Variants in TMEM51 observed in about 807,000 individuals in gnomAD.
TMEM51 encodes the protein transmembrane protein 51.
Under a neutral mutation model 13.6 loss-of-function variants are expected in TMEM51, and 8 were observed. The ratio of observed to expected loss-of-function variants is 0.59; its 90% CI spans 0.35 to 1.07. The LOEUF (loss-of-function observed/expected upper bound fraction) is 1.07, where lower values mean the gene tolerates loss of function less well. Ranked by LOEUF, TMEM51 falls within the 50% of genes least tolerant of loss-of-function variation. The pLI, the probability that TMEM51 is intolerant of heterozygous loss-of-function variation, is 0.02. For synonymous variants in TMEM51, 147 were observed against 144.4 expected, an observed-to-expected ratio of 1.02 and a Z score of -0.13; for missense variants, 279 against 330.7, an observed-to-expected ratio of 0.84 and a Z score of 1.21.
chr1:15,153,389 TCACACACACGCGCGTGCG>T (rs1402526786), upstream of TMEM51, among the ~76,000 whole-genome samples: 14 of 151,946 alleles, frequency 9.2e-5, no homozygotes, highest in South Asian at 2.1e-4. Context: ...CCACCACCCG[TCACACACACGCGCGTGCG>T]CGCACACACG....
intron 1 of TMEM51, chr1:15,171,386 T>A: frequency 8.2e-7 from 1 of 1,223,158 alleles, no homozygotes; most frequent in South Asian, 1.4e-5. Context: ...GAAAGGAAGG[T>A]GGAAGAGTTG....
At position 15,170,326 on chromosome 1, in the gene TMEM51, G is replaced by A. The variant is rs185429791; in HGVS notation, c.-267+16372G>A. ...TCTGCTGCAGGGCAAGGTAAAGCTA[G>A]GTGCCTGGGATACTGCTGGGTTTTT... On this transcript the variant is annotated intron_variant, in intron 1 of 3. Transcript: ENST00000376008. 2.0e-5 allele frequency among the ~76,000 whole-genome samples: 3 copies of A among 149,942 alleles called. No homozygotes were observed. In the East Asian group the frequency reaches 6.0e-4, roughly 30 times the overall value.
Position 15,201,021 on chromosome 1 carries a change from C to T in TMEM51, c.-266-9469C>T, listed in dbSNP as rs764241718. On this transcript the variant is annotated intron_variant, in intron 1 of 3. Transcript: ENST00000376008. ...CACCTGTATATGGCACCTGCCAGCA[C>T]GCAGGCTGTTTACTTACCCAATAGT... Among the ~76,000 whole-genome samples the T allele has an allele frequency of 2.6e-5, 4 of 152,216 alleles. No individual in the cohort carries two copies. The East Asian group carries it at 5.8e-4, about 22-fold the overall frequency.
chr1:15,192,412 G>A (rs961159232), intron 1 of TMEM51: 2 of 386,334 alleles, frequency 5.2e-6, no homozygotes, highest in African/African-American at 2.2e-5. Context: ...CCAGGTCAGC[G>A]TTTGGCAGTG....
intron 1 of TMEM51, among the ~76,000 whole-genome samples, chr1:15,203,863 A>C (rs1361410510): frequency 6.6e-6 from 1 of 152,228 alleles, no homozygotes; most frequent in Non-Finnish European, 1.5e-5. Flanking sequence ...GAGAGCCCTA[A>C]GAATTGTCTT....
intron 1 of TMEM51, among the ~76,000 whole-genome samples, chr1:15,186,325 A>G (rs1187424769): frequency 6.6e-6 from 1 of 152,244 alleles, no homozygotes; most frequent in Non-Finnish European, 1.5e-5. Flanking sequence ...AATTGGATGG[A>G]CAGGAAAGAC....
At chr1:15,189,936 C>A (rs913342672) in intron 1 of TMEM51, among the ~76,000 whole-genome samples, 4 of 152,256 alleles carry the variant, frequency 2.6e-5, no homozygotes, top group Non-Finnish European at 4.4e-5. Flanking sequence ...TGACCCCTGT[C>A]TTCCAAGGCA....
At chr1:15,209,876 C>T (rs748632468) in intron 1 of TMEM51, among the ~76,000 whole-genome samples, 1 of 152,056 alleles carries the variant, frequency 6.6e-6, no homozygotes, top group African/African-American at 2.4e-5. Flanking sequence ...ACTAAAAATA[C>T]AAAAATTAGC....
chr1:15,171,114 C>CCCCA, intron 1 of TMEM51: 8 of 1,137,710 alleles, frequency 7.0e-6, no homozygotes, highest in Non-Finnish European at 9.4e-6. Context: ...CACCCCCCGC[C>CCCCA]ACATCCCCCA....
intron 1 of TMEM51, among the ~76,000 whole-genome samples, chr1:15,162,531 T>C (rs936203679): frequency 1.3e-5 from 2 of 152,054 alleles, no homozygotes; most frequent in Admixed American, 1.3e-4. Context: ...TCAAAAGAAT[T>C]GAAAACAGGT....
intron 1 of TMEM51, chr1:15,171,115 A>ACATCCCCCCCCCCCCC: frequency 7.0e-6 from 3 of 428,152 alleles, no homozygotes; most frequent in Admixed American, 4.9e-5. Context: ...ACCCCCCGCC[A>ACATCCCCCCCCCCCCC]CATCCCCCAC....
chr1:15,206,850 A>G (rs1573442584), intron 1 of TMEM51, among the ~76,000 whole-genome samples: 1 of 151,972 alleles, frequency 6.6e-6, no homozygotes, highest in African/African-American at 2.4e-5. Flanking sequence ...TCATTTGCAC[A>G]TTGCTTTTTG....
In TMEM51 at chr1:15,215,411, T is replaced by A. The variant is rs1644415115; in HGVS notation, c.324T>A (p.Pro108=). ...AHVQHPTGAG[P]HAQEEDSQEE... is the part of the protein sequence containing the mutation. ...TCCAGCACCCGACAGGCGCTGGGCC[T>A]CACGCCCAGGAGGAAGACAGGTGAG... Residue 108 remains proline (P), a synonymous_variant, in exon 3 of 4, where the codon CCT becomes CCA. Coordinates refer to ENST00000376008, the MANE Select transcript of TMEM51 (RefSeq NM_001136218.2). 1 of 1,604,950 alleles carries A rather than the reference T, an allele frequency of 6.2e-7. No homozygotes were observed. The highest frequency in any genetic ancestry group is 1.7e-5 in the Admixed American group (1 of 59,860).
chr1:15,214,954 G>T lies in TMEM51; in HGVS notation c.-134G>T, dbSNP rs41302003. On this transcript the variant is annotated 5_prime_UTR_variant, in exon 3 of 4. The change creates a new upstream start codon in the 5' untranslated region. Coordinates refer to ENST00000376008, the MANE Select transcript of TMEM51 (RefSeq NM_001136218.2). ...CGCGATTGCTCGGAACCATCCCGCA[G>T]GAGTTCAGCTGATATTTTCTAGTGT... 0.012 allele frequency: 10,397 copies of T among 872,656 alleles called. 85 individuals carry two copies. The highest frequency in any genetic ancestry group is 0.014 in the Non-Finnish European group (8,144 of 582,986). 54.1% of individuals were successfully genotyped at this position (872,656 alleles called of 1,614,324 possible).
chr1:15,164,138 G>T (rs889780176), intron 1 of TMEM51, among the ~76,000 whole-genome samples: 3 of 151,886 alleles, frequency 2.0e-5, no homozygotes, highest in Non-Finnish European at 4.4e-5. Context: ...CCTAATGTTG[G>T]CATCTTACAT....
chr1:15,169,590 G>C (rs1284431584), intron 1 of TMEM51, among the ~76,000 whole-genome samples: 1 of 152,188 alleles, frequency 6.6e-6, no homozygotes, highest in Non-Finnish European at 1.5e-5. Flanking sequence ...GAGGAAGTTT[G>C]AGACATTTCA....
In TMEM51 at chr1:15,161,600, G is replaced by T. The variant is rs1361934686; in HGVS notation, c.-267+7646G>T. On this transcript the variant is annotated intron_variant, in intron 1 of 3. Coordinates refer to ENST00000376008, the MANE Select transcript of TMEM51 (RefSeq NM_001136218.2). This position sits in a 1 kb window ranked among gnomAD's most constrained non-coding sequence, Gnocchi z 4.0. ...GGTGCATACTTGTCTTAGTCCATTT[G>T]TGTTGCTGTAAAGAAATACCTGAGA... Among the ~76,000 whole-genome samples, 1 of 152,072 alleles carries T rather than the reference G, an allele frequency of 6.6e-6. No homozygotes were observed. Among genetic ancestry groups the T allele is most frequent in the Admixed American group, 6.5e-5 (1 of 15,278 alleles).
At chr1:15,195,041 C>T (rs1644019983) in intron 1 of TMEM51, among the ~76,000 whole-genome samples, 1 of 150,140 alleles carries the variant, frequency 6.7e-6, no homozygotes, top group South Asian at 2.1e-4. Flanking sequence ...CCTCCCACTT[C>T]AGCCTCCCAA....
At chr1:15,156,039 A>G (rs1239309150) in intron 1 of TMEM51, among the ~76,000 whole-genome samples, 1 of 152,086 alleles carries the variant, frequency 6.6e-6, no homozygotes, top group Non-Finnish European at 1.5e-5. Context: ...AGAGGCCCAT[A>G]CAGGAAGCAG....
Sources: allele counts gnomAD v4.1 joint callset (sites outside exome capture counted in the v4.1 genomes callset), GRCh38; gene constraint gnomAD v4.1.1; non-coding constraint Gnocchi (gnomAD v3.1); transcripts MANE v1.5; gene names NCBI Gene and HGNC (gene_info 2026-07-23, HGNC 2026-07-21).